Variants in LANCL2 observed in about 807,000 individuals in gnomAD.
LANCL2 encodes LanC like glutathione S-transferase 2.
In LANCL2, 33 loss-of-function variants were observed where a neutral mutation model predicts 56.9. The ratio of observed to expected loss-of-function variants is 0.58; its 90% CI spans 0.44 to 0.78. The LOEUF (loss-of-function observed/expected upper bound fraction) is 0.78. LANCL2 is among the 30% of genes least tolerant of loss of function. LANCL2 has a pLI of 0.00. For synonymous variants in LANCL2, 233 were observed against 228.2 expected (o/e 1.02, Z -0.19); for missense variants, 562 against 580.2 (o/e 0.97, Z 0.32).
At position 55,398,037 on chromosome 7, in the gene LANCL2, A is replaced by G. The variant is rs77835763; in HGVS notation, c.323-386A>G. On this transcript the variant is annotated intron_variant, in intron 2 of 8. Coordinates refer to ENST00000254770, the MANE Select transcript of LANCL2 (RefSeq NM_018697.4). ...ATAACATAGGAGAAATGATTTTACA[A>G]TAAGTAAAAAGAAGAAGATCCAAGT... Among the ~76,000 whole-genome samples the G allele has an allele frequency of 3.3e-3, 508 of 152,380 alleles. 4 individuals carry two copies. Among genetic ancestry groups the G allele is most frequent in the African/African-American group, 0.012 (495 of 41,596 alleles).
chr7:55,417,635 C>T (rs1790559323), intron 6 of LANCL2, among the ~76,000 whole-genome samples: 1 of 152,150 alleles, frequency 6.6e-6, no homozygotes, highest in African/African-American at 2.4e-5. Context: ...AGTTATGAGT[C>T]AGAGTGCATT....
intron 1 of LANCL2, among the ~76,000 whole-genome samples, chr7:55,384,455 G>C (rs1291884007): frequency 1.3e-4 from 20 of 152,176 alleles, no homozygotes; most frequent in Non-Finnish European, 5.9e-5. Context: ...GGGGGGCTGA[G>C]GCAGGAGAAT....
intron 1 of LANCL2, chr7:55,379,777 C>T (rs1240217200): frequency 6.6e-6 from 1 of 152,578 alleles, no homozygotes; most frequent in Non-Finnish European, 1.5e-5. Flanking sequence ...AAGTTAAATA[C>T]ATTTACAAGC....
chr7:55,395,558 G>T (rs1583751646), intron 2 of LANCL2, among the ~76,000 whole-genome samples: 1 of 152,020 alleles, frequency 6.6e-6, no homozygotes, highest in East Asian at 1.9e-4. Context: ...TCTAGGAAGG[G>T]TGTCATAAAT....
At chr7:55,385,029 A>G (rs993467836) in intron 1 of LANCL2, among the ~76,000 whole-genome samples, 2 of 152,124 alleles carry the variant, frequency 1.3e-5, no homozygotes, top group Non-Finnish European at 2.9e-5. Context: ...TCTACACAAA[A>G]TACAAAAATT....
intron 5 of LANCL2, among the ~76,000 whole-genome samples, chr7:55,410,797 CGT>C (rs1185911349): frequency 6.6e-6 from 1 of 151,900 alleles, no homozygotes; most frequent in African/African-American, 2.4e-5. Flanking sequence ...CTAAAGATGT[CGT>C]GTGTTGTGAA....
chr7:55,374,978 T>C (rs1166159204), intron 1 of LANCL2, among the ~76,000 whole-genome samples: 1 of 152,238 alleles, frequency 6.6e-6, no homozygotes, highest in African/African-American at 2.4e-5. Context: ...TAAGTTAGAT[T>C]AAGTGTCTCA....
chr7:55,412,180 C>T lies in LANCL2; in HGVS notation c.1008+91C>T, dbSNP rs1487013078. 3.4e-6 allele frequency: 4 copies of T among 1,185,142 alleles called. No individual in the cohort carries two copies. The South Asian group carries it at 6.0e-5, about 18-fold the overall frequency. The allele number at this position is 1,185,142 out of a possible 1,614,324, so 73.4% of individuals were successfully genotyped here. A position where few individuals can be genotyped will look rare whatever the true frequency, so the allele number is the denominator to read the frequency against. On this transcript the variant is annotated intron_variant, in intron 6 of 8. Transcript: ENST00000254770. ...GTCTTGCTTTGGTAAGGCCATTTGA[C>T]TGTACACTAAAAACCTTTTAGAATG...
rs2272263 is a variant in LANCL2 at position 55,366,191 on chromosome 7, A to C, written c.166A>C (p.Thr56Pro). Residue 56 changes from threonine to proline, a missense_variant, in exon 1 of 9, where the codon ACG becomes CCG. Physicochemically the swap from Thr to Pro is conservative, Grantham distance 38. This residue lies in a region of LANCL2 where 184 missense variants were observed against 111.8 expected (regional missense o/e 1.65). Coordinates refer to ENST00000254770, the MANE Select transcript of LANCL2 (RefSeq NM_018697.4). ...ETGCVRPPAT[T>P]DEPGLPFHQD... ...AGGCTGTGTTCGTCCCCCGGCGACC[A>C]CGGATGAGCCCGGCCTCCCTTTTCA... is the stretch of plus-strand genomic sequence containing the variant. The C allele has an allele frequency of 0.31, 482,011 of 1,540,186 alleles. 79,412 individuals are homozygous for C. Among genetic ancestry groups the C allele is most frequent in the Non-Finnish European group, 0.34 (390,129 of 1,139,338 alleles).
At chr7:55,378,945 A>C (rs1195887177) in intron 1 of LANCL2, among the ~76,000 whole-genome samples, 1 of 152,212 alleles carries the variant, frequency 6.6e-6, no homozygotes, top group African/African-American at 2.4e-5. Flanking sequence ...ATCCTGGCTA[A>C]CACGGTGAAA....
At chr7:55,395,873 A>G (rs755424015) in intron 2 of LANCL2, among the ~76,000 whole-genome samples, 1 of 152,230 alleles carries the variant, frequency 6.6e-6, no homozygotes, top group Non-Finnish European at 1.5e-5. Flanking sequence ...ATCATTGAGC[A>G]GTTTCATTGT....
chr7:55,397,297 C>G (rs1356538511), intron 2 of LANCL2: 1 of 151,958 alleles, frequency 6.6e-6, no homozygotes, highest in Non-Finnish European at 1.5e-5. Flanking sequence ...CCCGTCTCTA[C>G]TGAAAATACA....
chr7:55,391,177 C>T (rs1427522309), intron 1 of LANCL2, among the ~76,000 whole-genome samples: 4 of 140,554 alleles, frequency 2.8e-5, no homozygotes, highest in South Asian at 2.3e-4. Context: ...CCACCACGCC[C>T]GGCTAATTTT....
chr7:55,379,635 C>G (rs923800792), intron 1 of LANCL2: 5 of 152,680 alleles, frequency 3.3e-5, no homozygotes, highest in Non-Finnish European at 7.3e-5. Flanking sequence ...TTCTGCATCT[C>G]TTTGATTACA....
At chr7:55,425,087 A>G (rs546713366) in intron 6 of LANCL2, among the ~76,000 whole-genome samples, 167 bp from the exon 7 acceptor site, 1 of 152,254 alleles carries the variant, frequency 6.6e-6, no homozygotes, top group South Asian at 2.1e-4. Context: ...GCGAGATTCT[A>G]TGTACTGTGT....
At chr7:55,410,514 G>C (rs1790458787) in intron 5 of LANCL2, among the ~76,000 whole-genome samples, 1 of 152,102 alleles carries the variant, frequency 6.6e-6, no homozygotes. Context: ...TGTAAACTTT[G>C]GTGCTTATGG....
rs973567333 is a variant in LANCL2 at position 55,391,662 on chromosome 7, A to G, written c.205-131A>G. 1.3e-5 allele frequency: 7 copies of G among 557,172 alleles called. 1 individual carries two copies. The highest frequency in any genetic ancestry group is 4.5e-4 in the Middle Eastern group (1 of 2,212). 34.5% of individuals were successfully genotyped at this position (557,172 alleles called of 1,614,324 possible). ...TAAAAACCAAGATAGACTCCAACCAATGATGCACTGAGATGGTCCAAGGAA... is the reference window on the plus strand; with the variant it reads ...TAAAAACCAAGATAGACTCCAACCAGTGATGCACTGAGATGGTCCAAGGAA... On this transcript the variant is annotated intron_variant, in intron 1 of 8. Transcript: ENST00000254770.
At position 55,401,155 on chromosome 7, in the gene LANCL2, T is replaced by C. The variant is rs1303912319; in HGVS notation, c.679-19T>C. 2.5e-6 allele frequency: 4 copies of C among 1,611,202 alleles called. No homozygotes were observed. Among genetic ancestry groups the C allele is most frequent in the East Asian group, 4.5e-5 (2 of 44,874 alleles). Reference sequence around the variant, plus strand: ...TACATATACAGTTTTAGATTTATGCTGTCTTGTTATCTCTGTAGGTAGTCA... The same window carrying C: ...TACATATACAGTTTTAGATTTATGCCGTCTTGTTATCTCTGTAGGTAGTCA... On this transcript the variant is annotated intron_variant, in intron 4 of 8. Transcript: ENST00000254770.
At chr7:55,366,262 A>C in intron 1 of LANCL2, 33 bp downstream of exon 1, 1 of 1,441,700 alleles carries the variant, frequency 6.9e-7, no homozygotes, top group Non-Finnish European at 9.2e-7. Flanking sequence ...GAGGCGCCGG[A>C]GGGGGAGCGC....
Sources: allele counts gnomAD v4.1 joint callset (sites outside exome capture counted in the v4.1 genomes callset), GRCh38; gene constraint gnomAD v4.1.1; regional missense constraint gnomAD v4.1.1; transcripts MANE v1.5; gene names NCBI Gene and HGNC (gene_info 2026-07-23, HGNC 2026-07-21).